The following LYPLAL1 variants were observed in gnomAD, a reference collection of about 807,000 sequenced individuals.
LYPLAL1 encodes lysophospholipase-like protein 1.
A neutral mutation model predicts 19.7 loss-of-function variants in LYPLAL1; 23 were observed. The ratio of observed to expected loss-of-function variants is 1.17; its 90% CI spans 0.84 to 1.65. The LOEUF (loss-of-function observed/expected upper bound fraction) is 1.65, where lower values mean the gene tolerates loss of function less well. Among genes scored for constraint, LYPLAL1 ranks in the 40% most tolerant of loss-of-function variants. LYPLAL1 has a pLI of 0.00. For synonymous variants in LYPLAL1, 119 were observed against 96.3 expected (o/e 1.24, Z -1.38); for missense variants, 355 against 279.4 (o/e 1.27, Z -1.93).
chr1:219,260,621 T>C, the LYPLAL1 span, among the ~76,000 whole-genome samples: 3 of 148,638 alleles, frequency 2.0e-5, no homozygotes, highest in Non-Finnish European at 4.5e-5. Context: ...ATTATATATA[T>C]ATTAAATTTT....
intron 2 of LYPLAL1, among the ~76,000 whole-genome samples, chr1:219,188,094 G>A (rs1328301297): frequency 3.3e-5 from 5 of 151,622 alleles, no homozygotes; most frequent in African/African-American, 2.4e-5. Context: ...TTCCCAAGTG[G>A]CACAAATGAT....
the LYPLAL1 span, among the ~76,000 whole-genome samples, chr1:219,296,717 T>G: frequency 2.6e-5 from 4 of 152,330 alleles, no homozygotes; most frequent in Middle Eastern, 3.4e-3. Flanking sequence ...AGTAAATCCA[T>G]GCATACTTCC....
chr1:219,437,740 T>G, the LYPLAL1 span, among the ~76,000 whole-genome samples: 3 of 144,746 alleles, frequency 2.1e-5, no homozygotes, highest in Non-Finnish European at 4.5e-5. Flanking sequence ...TTTATTTTAT[T>G]ATTTTATTGT....
Position 219,187,035 on chromosome 1 carries a change from GT to G in LYPLAL1, c.192-6037del, listed in dbSNP as rs142261162. 0.019 allele frequency among the ~76,000 whole-genome samples: 2,744 copies of G among 146,008 alleles called. 158 individuals carry two copies. The East Asian group carries it at 0.21, about 11-fold the overall frequency. ...TTTTACCTACTTAGAGTTCTTTGTTGTTTTTTTTTTCCTTGTAACTATATAG... is the reference window on the plus strand; with the variant it reads ...TTTTACCTACTTAGAGTTCTTTGTTGTTTTTTTTTCCTTGTAACTATATAG... On this transcript the variant is annotated intron_variant, in intron 2 of 4. Transcript: ENST00000366928.
At chr1:219,409,306 G>A in the LYPLAL1 span, among the ~76,000 whole-genome samples, 2 of 152,096 alleles carry the variant, frequency 1.3e-5, no homozygotes, top group East Asian at 1.9e-4. Context: ...AAAATTAGCC[G>A]GGTGTGGTGG....
the LYPLAL1 span, among the ~76,000 whole-genome samples, chr1:219,421,674 G>A: frequency 6.6e-6 from 1 of 152,072 alleles, no homozygotes; most frequent in Non-Finnish European, 1.5e-5. Context: ...AGATATATAA[G>A]TAGTGCCATG....
chr1:219,272,636 G>T, the LYPLAL1 span: 2 of 151,956 alleles, frequency 1.3e-5, no homozygotes, highest in Non-Finnish European at 2.9e-5. Flanking sequence ...AATTAACTGA[G>T]TGCTCATCTG....
downstream of LYPLAL1, among the ~76,000 whole-genome samples, chr1:219,215,601 A>G (rs1056992253): frequency 6.6e-6 from 1 of 152,042 alleles, no homozygotes; most frequent in Admixed American, 6.6e-5. Context: ...TGTGCAGTTC[A>G]CTTGTCTCTC....
intron 2 of LYPLAL1, among the ~76,000 whole-genome samples, chr1:219,190,444 C>A (rs1657064463): frequency 6.6e-6 from 1 of 151,170 alleles, no homozygotes; most frequent in South Asian, 2.1e-4. Context: ...GTATGAAATT[C>A]CCCCAAAATT....
the LYPLAL1 span, among the ~76,000 whole-genome samples, chr1:219,233,910 A>G: frequency 2.4e-4 from 37 of 152,330 alleles, no homozygotes; most frequent in African/African-American, 8.4e-4. Context: ...TCTAAGTATG[A>G]CCATACATAG....
At chr1:219,346,616 T>C in the LYPLAL1 span, among the ~76,000 whole-genome samples, 3 of 152,118 alleles carry the variant, frequency 2.0e-5, no homozygotes, top group South Asian at 6.2e-4. Flanking sequence ...AGAGAGACGC[T>C]GTGTTGAACC....
chr1:219,288,107 A>T, the LYPLAL1 span, among the ~76,000 whole-genome samples: 1 of 152,214 alleles, frequency 6.6e-6, no homozygotes, highest in Non-Finnish European at 1.5e-5. Flanking sequence ...TCCAGCGATC[A>T]CACCTTGGTA....
the LYPLAL1 span, among the ~76,000 whole-genome samples, chr1:219,440,722 T>C: frequency 1.3e-5 from 2 of 152,230 alleles, no homozygotes; most frequent in African/African-American, 4.8e-5. Flanking sequence ...CTTTTCTATA[T>C]GACCAATACT....
the LYPLAL1 span, among the ~76,000 whole-genome samples, chr1:219,382,944 T>G: frequency 6.6e-6 from 1 of 152,172 alleles, no homozygotes; most frequent in Non-Finnish European, 1.5e-5. Context: ...CAATATTTTT[T>G]CTGTCCGGAT....
chr1:219,229,327 G>GAT, the LYPLAL1 span, among the ~76,000 whole-genome samples: 1 of 114,752 alleles, frequency 8.7e-6, no homozygotes, highest in African/African-American at 2.7e-5. Flanking sequence ...GAGAGAGAGA[G>GAT]AGAGAGAGAG....
the LYPLAL1 span, among the ~76,000 whole-genome samples, chr1:219,329,183 G>A: frequency 3.3e-5 from 5 of 151,140 alleles, no homozygotes; most frequent in African/African-American, 9.7e-5. Context: ...TACTGGTCTC[G>A]GTTTGACACT....
At chr1:219,221,858 C>T in the LYPLAL1 span, among the ~76,000 whole-genome samples, 1 of 152,112 alleles carries the variant, frequency 6.6e-6, no homozygotes, top group Admixed American at 6.5e-5. Flanking sequence ...ACATCAACAC[C>T]ACTTATACTT....
the LYPLAL1 span, among the ~76,000 whole-genome samples, chr1:219,429,884 C>T: frequency 6.6e-6 from 1 of 152,132 alleles, no homozygotes; most frequent in Non-Finnish European, 1.5e-5. Flanking sequence ...TTACAGTTAT[C>T]TTGCACTTGG....
chr1:219,307,397 A>G, the LYPLAL1 span, among the ~76,000 whole-genome samples: 5 of 152,198 alleles, frequency 3.3e-5, no homozygotes, highest in African/African-American at 1.2e-4. Flanking sequence ...CCCTGCATCA[A>G]CTAGAAGAGA....
Sources: allele counts gnomAD v4.1 joint callset (sites outside exome capture counted in the v4.1 genomes callset), GRCh38; gene constraint gnomAD v4.1.1; transcripts MANE v1.5; gene names NCBI Gene and HGNC (gene_info 2026-07-23, HGNC 2026-07-21).